The following CDH23 variants were observed in gnomAD, a reference collection of about 807,000 sequenced individuals.
CDH23 encodes the protein cadherin related 23.
CDH23 carries 189 observed loss-of-function variants against 317.1 expected under a neutral mutation model. That is an observed-to-expected ratio of 0.60 (90% CI 0.53 to 0.67). The LOEUF is 0.67. Among genes scored for constraint, CDH23 ranks in the 30% least tolerant of loss-of-function variants. The pLI is 0.00. For synonymous variants in CDH23, 1,839 were observed against 1,876.8 expected (o/e 0.98, Z 0.52); for missense variants, 4,401 against 4,592.4 (o/e 0.96, Z 1.20).
intron 14 of CDH23, among the ~76,000 whole-genome samples, chr10:71,662,379 C>A (rs958003232): frequency 1.3e-5 from 2 of 152,142 alleles, no homozygotes; most frequent in Non-Finnish European, 2.9e-5. Context: ...TGACCAGCCT[C>A]CACCCAGGTA....
chr10:71,785,547 C>T lies in CDH23; in HGVS notation c.5713-84C>T, dbSNP rs548799366. 5.5e-5 allele frequency: 50 copies of T among 913,040 alleles called. No homozygotes were observed. In the African/African-American group the frequency reaches 5.9e-4, roughly 11 times the overall value. 56.6% of individuals were successfully genotyped at this position (913,040 alleles called of 1,614,324 possible). A position where few individuals can be genotyped will look rare whatever the true frequency, so the allele number is the denominator to read the frequency against. ...TCATCTCTTAGGCAATTTAGGGAGG[C>T]CAAGCAGAGCAGTTGGCATCTGTGG... On this transcript the variant is annotated intron_variant, in intron 43 of 69. Coordinates refer to ENST00000224721, the MANE Select transcript of CDH23 (RefSeq NM_022124.6).
intron 41 of CDH23, among the ~76,000 whole-genome samples, chr10:71,781,767 C>G (rs1161652411): frequency 1.3e-5 from 2 of 152,084 alleles, no homozygotes; most frequent in African/African-American, 4.8e-5. Context: ...GCTTCCTCCC[C>G]CAAGGAAGGA....
chr10:71,545,313 C>T (rs977942161), intron 6 of CDH23, among the ~76,000 whole-genome samples: 3 of 152,216 alleles, frequency 2.0e-5, no homozygotes, highest in Non-Finnish European at 2.9e-5. Context: ...CAGTGGCCTT[C>T]GGAGAAACCC....
chr10:71,640,545 C>A (rs892263938), intron 11 of CDH23, among the ~76,000 whole-genome samples: 1 of 152,106 alleles, frequency 6.6e-6, no homozygotes, highest in Non-Finnish European at 1.5e-5. Context: ...GTCAGGAAAT[C>A]GAGACCAGCC....
intron 68 of CDH23, 133 bp from the exon 69 acceptor site, chr10:71,813,111 T>C (rs1398125931): frequency 8.9e-7 from 1 of 1,117,946 alleles, no homozygotes; most frequent in Non-Finnish European, 1.3e-6. Context: ...GTCTCCAGGC[T>C]CTGCCGCTGA....
chr10:71,740,774 C>T (rs535349253), intron 36 of CDH23, 48 bp from the exon 37 acceptor site: 23 of 1,611,434 alleles, frequency 1.4e-5, no homozygotes, highest in East Asian at 1.1e-4. Context: ...ATTCCCAATC[C>T]TGCCCGCCAC....
intron 1 of CDH23, among the ~76,000 whole-genome samples, chr10:71,398,865 C>T (rs1847655024): frequency 6.6e-6 from 1 of 152,082 alleles, no homozygotes; most frequent in Non-Finnish European, 1.5e-5. Context: ...AGCTCTGCCT[C>T]GAGTGCTGGA....
intron 3 of CDH23, among the ~76,000 whole-genome samples, chr10:71,461,092 G>C (rs897654604): frequency 2.6e-5 from 4 of 152,218 alleles, no homozygotes; most frequent in African/African-American, 9.6e-5. Flanking sequence ...GTTCAGTTCA[G>C]CTCAACTCTG....
chr10:71,438,148 C>A (rs1210779549), intron 1 of CDH23, among the ~76,000 whole-genome samples: 1 of 151,902 alleles, frequency 6.6e-6, no homozygotes, highest in African/African-American at 2.4e-5. Flanking sequence ...TGAGACCAGC[C>A]TGACCAACAT....
intron 18 of CDH23, among the ~76,000 whole-genome samples, chr10:71,684,295 C>T (rs555591640): frequency 6.6e-6 from 1 of 152,292 alleles, no homozygotes; most frequent in East Asian, 1.9e-4. Flanking sequence ...CAAGCCTCCT[C>T]TAATCGTAGC....
At chr10:71,585,371 A>G (rs1341138403) in intron 9 of CDH23, among the ~76,000 whole-genome samples, 1 of 152,174 alleles carries the variant, frequency 6.6e-6, no homozygotes, top group Non-Finnish European at 1.5e-5. Flanking sequence ...GGCAGACATC[A>G]CTAATTGATC....
At chr10:71,720,185 C>T (rs1280590850) in intron 28 of CDH23, among the ~76,000 whole-genome samples, 1 of 152,188 alleles carries the variant, frequency 6.6e-6, no homozygotes, top group Admixed American at 6.5e-5. Flanking sequence ...CCCTGGCAGC[C>T]CCTGAGGCCC....
At chr10:71,590,873 T>TAAAAAAAAA (rs71018215) in intron 9 of CDH23, among the ~76,000 whole-genome samples, 1 of 72,328 alleles carries the variant, frequency 1.4e-5, no homozygotes, top group African/African-American at 6.9e-5. Context: ...ACCCTGTCTC[T>TAAAAAAAAA]AAAAAAAAAA....
chr10:71,532,601 G>C (rs1446058662), intron 6 of CDH23, among the ~76,000 whole-genome samples: 1 of 152,072 alleles, frequency 6.6e-6, no homozygotes, highest in Non-Finnish European at 1.5e-5. Context: ...GGGCTGGATG[G>C]AGACTCAGGC....
At chr10:71,766,778 G>A (rs1840556148) in intron 38 of CDH23, among the ~76,000 whole-genome samples, 1 of 152,138 alleles carries the variant, frequency 6.6e-6, no homozygotes, top group Non-Finnish European at 1.5e-5. Flanking sequence ...CTGTGTGACT[G>A]AGCTGAGATT....
intron 28 of CDH23, among the ~76,000 whole-genome samples, chr10:71,722,500 C>T (rs1470369127): frequency 1.3e-5 from 2 of 152,210 alleles, no homozygotes; most frequent in African/African-American, 4.8e-5. Flanking sequence ...GCTCCTAAGT[C>T]GTTCACATAT....
chr10:71,498,704 C>A (rs1853107989), intron 3 of CDH23, among the ~76,000 whole-genome samples: 1 of 152,172 alleles, frequency 6.6e-6, no homozygotes, highest in African/African-American at 2.4e-5. Context: ...AGTAACTTGA[C>A]CTCTCTGTGA....
intron 1 of CDH23, among the ~76,000 whole-genome samples, chr10:71,422,526 TCAGTTTC>T (rs1848863466): frequency 6.6e-6 from 1 of 152,218 alleles, no homozygotes; most frequent in South Asian, 2.1e-4. Context: ...TTTCTGGGCC[TCAGTTTC>T]CCCATCTGTG....
chr10:71,695,748 C>T (rs1273734605), intron 22 of CDH23, among the ~76,000 whole-genome samples: 1 of 152,214 alleles, frequency 6.6e-6, no homozygotes, highest in African/African-American at 2.4e-5. Context: ...AGGCCTCAGG[C>T]TTTGTCAAAG....
Sources: allele counts gnomAD v4.1 joint callset (sites outside exome capture counted in the v4.1 genomes callset), GRCh38; gene constraint gnomAD v4.1.1; transcripts MANE v1.5; gene names NCBI Gene and HGNC (gene_info 2026-07-23, HGNC 2026-07-21).